PRSS16: variants seen among roughly 807,000 people sequenced by gnomAD.
PRSS16 encodes the protein serine protease 16.
In PRSS16, 43 loss-of-function variants were observed where a neutral mutation model predicts 61.7. The ratio of observed to expected loss-of-function variants is 0.70; its 90% CI spans 0.55 to 0.90. PRSS16 has a LOEUF of 0.90. Ranked by LOEUF, PRSS16 falls within the 40% of genes least tolerant of loss-of-function variation. The pLI, the probability that PRSS16 is intolerant of heterozygous loss-of-function variation, is 0.00. For synonymous variants in PRSS16, 273 were observed against 285.2 expected (o/e 0.96, Z 0.43); for missense variants, 591 against 659.1 (o/e 0.90, Z 1.13).
chr6:27,252,822 C>T lies in PRSS16; in HGVS notation c.1023C>T (p.Ser341=), dbSNP rs1415902940. ...TTGTTCCCTAGATTGTCTTGCACAG[C>T]CTGGGCCAGAAGTGTTTAAGCTTTT... The part of the protein sequence containing the change: ...LRRAVQIVLH[S]LGQKCLSFSR... Residue 341 remains serine, a synonymous_variant, in exon 9 of 12, where the codon AGC becomes AGT. Coordinates refer to ENST00000230582, the MANE Select transcript of PRSS16 (RefSeq NM_005865.4). The surrounding 1 kb of genome is among the most constrained non-coding windows in gnomAD (Gnocchi z 4.2). 1.2e-6 allele frequency: 2 copies of T among 1,614,060 alleles called. No homozygotes were observed. Among genetic ancestry groups the T allele is most frequent in the South Asian group, 1.1e-5 (1 of 91,070 alleles).
rs1466311544 is a variant in PRSS16 at position 27,252,541 on chromosome 6, G to A, written c.1009-267G>A. Among the ~76,000 whole-genome samples the A allele has an allele frequency of 1.3e-5, 2 of 151,990 alleles. No individual in the cohort carries two copies. The highest frequency in any genetic ancestry group is 2.9e-5 in the Non-Finnish European group (2 of 68,012). ...TCAAGAGATAGGCACTATTATTATC[G>A]CCACTTACAGAAAAGGAAACTGAAG... On this transcript the variant is annotated intron_variant, in intron 8 of 11. Transcript: ENST00000230582. The surrounding 1 kb of genome is among the most constrained non-coding windows in gnomAD (Gnocchi z 4.2).
At chr6:27,250,500 C>T (rs1759854729) in intron 4 of PRSS16, among the ~76,000 whole-genome samples, 183 bp from the exon 5 acceptor site, 1 of 152,220 alleles carries the variant, frequency 6.6e-6, no homozygotes, top group Admixed American at 6.5e-5. Flanking sequence ...TTGGCCTAGG[C>T]ACACATGTTC....
chr6:27,248,965 G>T lies in PRSS16; in HGVS notation c.337+19G>T. 1.3e-6 allele frequency: 2 copies of T among 1,589,370 alleles called. No individual in the cohort carries two copies. Among genetic ancestry groups the T allele is most frequent in the Non-Finnish European group, 1.7e-6 (2 of 1,162,734 alleles). ...ATGAGAGGTAAGAGGCAATGTTGGG[G>T]GAAAGGAGTTGGGATGCTGGTGGGG... On this transcript the variant is annotated intron_variant, in intron 3 of 11. Transcript: ENST00000230582.
rs1252354602 is a variant in PRSS16 at position 27,252,212 on chromosome 6, G to A, written c.1008+172G>A. On this transcript the variant is annotated intron_variant, in intron 8 of 11. Coordinates refer to ENST00000230582, the MANE Select transcript of PRSS16 (RefSeq NM_005865.4). The surrounding 1 kb of genome is among the most constrained non-coding windows in gnomAD (Gnocchi z 4.2). ...GGGAAGATGAAATGAGGCGGGTCAT[G>A]TAGAGCAATCAGCTGGGAGCCTGGC... 1.8e-5 allele frequency: 14 copies of A among 795,380 alleles called. No homozygotes were observed. The highest frequency in any genetic ancestry group is 2.4e-5 in the Non-Finnish European group (13 of 532,940). 49.3% of individuals were successfully genotyped at this position (795,380 alleles called of 1,614,324 possible).
In PRSS16 at chr6:27,250,629, A is replaced by G. The variant is rs940987305; in HGVS notation, c.468-54A>G. Reference sequence around the variant, plus strand: ...TCCGGGTTTCCCCCAGAATGGGGAAATCTTCAGGGATTCCCAGCGATGAGG... The same window carrying G: ...TCCGGGTTTCCCCCAGAATGGGGAAGTCTTCAGGGATTCCCAGCGATGAGG... On this transcript the variant is annotated intron_variant, in intron 4 of 11. Transcript: ENST00000230582. 12 of 1,517,236 alleles carry G rather than the reference A, an allele frequency of 7.9e-6. No homozygotes were observed. The African/African-American group carries it at 1.4e-4, about 18-fold the overall frequency. 94.0% of individuals were successfully genotyped at this position (1,517,236 alleles called of 1,614,324 possible).
Position 27,251,805 on chromosome 6 carries a change from G to C in PRSS16, c.773G>C (p.Gly258Ala), listed in dbSNP as rs1297458982. ...GAAGTGGAGCGGCGGCTGCGCTCGG[G>C]TGGGGCGGCTCAAGCAGCATTGCGG... ...FAEVERRLRS[G>A]GAAQAALRTE... The change falls in exon 8 of 12, where the codon GGT becomes GCT. Residue 258 changes from glycine to alanine, a missense_variant. Gly to Ala is a moderately conservative substitution (Grantham distance 60, BLOSUM62 0). Transcript: ENST00000230582. This position sits in a 1 kb window ranked among gnomAD's most constrained non-coding sequence, Gnocchi z 5.6. 6.2e-7 allele frequency: 1 copy of C among 1,610,086 alleles called. No individual in the cohort carries two copies. Among genetic ancestry groups the C allele is most frequent in the East Asian group, 2.2e-5 (1 of 44,846 alleles).
Position 27,254,840 on chromosome 6 carries a change from C to A in PRSS16, c.1298C>A (p.Thr433Asn). 1 of 1,614,140 alleles carries A rather than the reference C, an allele frequency of 6.2e-7. No individual in the cohort carries two copies. Among genetic ancestry groups the A allele is most frequent in the Non-Finnish European group, 8.5e-7 (1 of 1,180,014 alleles). ...AQTNSYYGGQ[T>N]PGANKVLFVN... Reference sequence around the variant, plus strand: ...ACGAACTCCTACTACGGTGGCCAGACCCCTGGGGCTAACAAAGTGCTGTTT... The same window carrying A: ...ACGAACTCCTACTACGGTGGCCAGAACCCTGGGGCTAACAAAGTGCTGTTT... The change falls in exon 10 of 12, where the codon ACC (threonine) becomes AAC (asparagine). Residue 433 changes from threonine (T) to asparagine (N), a missense_variant. By Grantham distance (65) the Thr-to-Asn change is moderately conservative (BLOSUM62 0). Coordinates refer to ENST00000230582, the MANE Select transcript of PRSS16 (RefSeq NM_005865.4).
Position 27,250,820 on chromosome 6 carries a change from T to G in PRSS16, c.591+14T>G. On this transcript the variant is annotated intron_variant, in intron 5 of 11. Coordinates refer to ENST00000230582, the MANE Select transcript of PRSS16 (RefSeq NM_005865.4). The stretch of plus-strand genomic sequence containing the variant: ...GCCCGGCTGAAGGTCCTGCGACTCC[T>G]CCGGGTGGGCTGGGGGGAGGGAACT... 1.3e-6 allele frequency: 2 copies of G among 1,599,620 alleles called. No homozygotes were observed. The highest frequency in any genetic ancestry group is 8.5e-7 in the Non-Finnish European group (1 of 1,173,862).
rs1316290640 is a variant in PRSS16 at position 27,255,496 on chromosome 6, T to A, written c.*181T>A. Reference sequence around the variant, plus strand: ...CTTATTCCCAACTTAAAGTGCTTTATTGCAGAGAGTTATGGAAATATAAGT... The same window carrying A: ...CTTATTCCCAACTTAAAGTGCTTTAATGCAGAGAGTTATGGAAATATAAGT... On this transcript the variant is annotated 3_prime_UTR_variant, in exon 12 of 12. Transcript: ENST00000230582. The surrounding 1 kb of genome is among the most constrained non-coding windows in gnomAD (Gnocchi z 4.4). 1 of 600,668 alleles carries A rather than the reference T, an allele frequency of 1.7e-6. No homozygotes were observed. Among genetic ancestry groups the A allele is most frequent in the Admixed American group, 3.0e-5 (1 of 32,976 alleles). 37.2% of individuals were successfully genotyped at this position (600,668 alleles called of 1,614,324 possible). A position where few individuals can be genotyped will look rare whatever the true frequency, so the allele number is the denominator to read the frequency against.
At position 27,249,135 on chromosome 6, in the gene PRSS16, C is replaced by A; in HGVS notation, c.373C>A (p.Leu125Met). 6.2e-7 allele frequency: 1 copy of A among 1,607,148 alleles called. No homozygotes were observed. The highest frequency in any genetic ancestry group is 8.5e-7 in the Non-Finnish European group (1 of 1,177,700). ...PAALAPAWGA[L>M]VISLEHRFYG... ...AGCCTTGGCCCCAGCCTGGGGCGCC[C>A]TGGTGATAAGCCTGGAACACAGATT... Residue 125 changes from leucine (L) to methionine (M), a missense_variant, in exon 4 of 12, where the codon CTG becomes ATG. Leu to Met is a conservative substitution (Grantham distance 15). Coordinates refer to ENST00000230582, the MANE Select transcript of PRSS16 (RefSeq NM_005865.4).
intron 4 of PRSS16, 115 bp downstream of exon 4, chr6:27,249,344 G>C: frequency 7.5e-7 from 1 of 1,332,602 alleles, no homozygotes; most frequent in South Asian, 1.4e-5. Flanking sequence ...TGAGTCTCTG[G>C]TTCCCTCTGT....
chr6:27,251,993 A>C lies in PRSS16; in HGVS notation c.961A>C (p.Asn321His), dbSNP rs374424134. 8.2e-6 allele frequency: 13 copies of C among 1,582,416 alleles called. No homozygotes were observed. The African/African-American group carries it at 1.6e-4, about 20-fold the overall frequency. The change falls in exon 8 of 12, where the codon AAC becomes CAC. Residue 321 changes from asparagine to histidine, a missense_variant. Coordinates refer to ENST00000230582, the MANE Select transcript of PRSS16 (RefSeq NM_005865.4). This position sits in a 1 kb window ranked among gnomAD's most constrained non-coding sequence, Gnocchi z 5.6. ...CGGACTTCTCCTCGGGGGCGGGGGCAACCGCAGCCACTCCACGCCCTACTG... is the reference window on the plus strand; with the variant it reads ...CGGACTTCTCCTCGGGGGCGGGGGCCACCGCAGCCACTCCACGCCCTACTG... ...LCGLLLGGGGNRSHSTPYCGL... is the reference protein window; with the variant it reads ...LCGLLLGGGGHRSHSTPYCGL...
chr6:27,254,472 C>G, intron 9 of PRSS16: 1 of 512,542 alleles, frequency 2.0e-6, no homozygotes, highest in Non-Finnish European at 3.4e-6. Flanking sequence ...ATCATGTTTC[C>G]TCTGGGATCC....
In PRSS16 at chr6:27,252,283, C is replaced by T; in HGVS notation, c.1008+243C>T. The T allele has an allele frequency of 3.8e-6, 2 of 530,330 alleles. No homozygotes were observed. The highest frequency in any genetic ancestry group is 6.4e-6 in the Non-Finnish European group (2 of 312,680). The allele number at this position is 530,330 out of a possible 1,614,324, so 32.9% of individuals were successfully genotyped here. ...AGACTGCGATTATTACCTATTTTGCCTATCCTGTCCTGTTCTCTTTTGGGG... is the reference window on the plus strand; with the variant it reads ...AGACTGCGATTATTACCTATTTTGCTTATCCTGTCCTGTTCTCTTTTGGGG... On this transcript the variant is annotated intron_variant, in intron 8 of 11. Transcript: ENST00000230582. This position sits in a 1 kb window ranked among gnomAD's most constrained non-coding sequence, Gnocchi z 4.2.
Position 27,255,195 on chromosome 6 carries a change from C to T in PRSS16, c.1477-52C>T, listed in dbSNP as rs2273565. Reference sequence around the variant, plus strand: ...TTGAATAATCACTTGCATGTTCCCTCCTTCTGCTGGTGCTGAAATCTGACT... The same window carrying T: ...TTGAATAATCACTTGCATGTTCCCTTCTTCTGCTGGTGCTGAAATCTGACT... On this transcript the variant is annotated intron_variant, in intron 11 of 11. Transcript: ENST00000230582. The surrounding 1 kb of genome is among the most constrained non-coding windows in gnomAD (Gnocchi z 4.4). 90,438 of 1,613,592 alleles carry T rather than the reference C, an allele frequency of 0.056. 3,203 individuals carry two copies. The highest frequency in any genetic ancestry group is 0.14 in the African/African-American group (10,132 of 74,988).
rs973955252 is a variant in PRSS16, at chr6:27,251,646, C to A, written c.718-104C>A. 5 of 1,406,492 alleles carry A rather than the reference C, an allele frequency of 3.6e-6. No individual in the cohort carries two copies. The African/African-American group carries it at 4.3e-5, about 12-fold the overall frequency. 87.1% of individuals were successfully genotyped at this position (1,406,492 alleles called of 1,614,324 possible). A position where few individuals can be genotyped will look rare whatever the true frequency, so the allele number is the denominator to read the frequency against. ...AGAGCTAGGTCTGCACCCTCTGAGT[C>A]CCGCTAGGGGAAAGTGGGGAACCCA... On this transcript the variant is annotated intron_variant, in intron 7 of 11. Coordinates refer to ENST00000230582, the MANE Select transcript of PRSS16 (RefSeq NM_005865.4). This position sits in a 1 kb window ranked among gnomAD's most constrained non-coding sequence, Gnocchi z 5.6.
At chr6:27,253,132 A>G in intron 9 of PRSS16, 183 bp downstream of exon 9, 2 of 694,420 alleles carry the variant, frequency 2.9e-6, no homozygotes, top group Admixed American at 2.4e-5. Context: ...TGGCCCTCAC[A>G]TGCCTCCTCA....
chr6:27,254,593 A>G (rs978010664), intron 9 of PRSS16, 100 bp from the exon 10 acceptor site: 1 of 1,174,562 alleles, frequency 8.5e-7, no homozygotes, highest in Non-Finnish European at 1.2e-6. Flanking sequence ...GGAGTATTAG[A>G]AATGTTCTGG....
rs1329633831 is a variant in PRSS16, at chr6:27,252,904, G to A, written c.1105G>A (p.Gly369Ser). The A allele has an allele frequency of 6.2e-7, 1 of 1,614,176 alleles. No homozygotes were observed. The highest frequency in any genetic ancestry group is 2.2e-5 in the East Asian group (1 of 44,874). Reference protein sequence around the residue: ...RSTEPQLSGVGDRQWLYQTCT... With the variant: ...RSTEPQLSGVSDRQWLYQTCT... ...CACAGAACCTCAACTGTCTGGTGTG[G>A]GTGACCGGCAGTGGTTGTATCAGAC... Residue 369 changes from glycine to serine, a missense_variant, in exon 9 of 12, where the codon GGT becomes AGT. Physicochemically the swap from Gly to Ser is moderately conservative, Grantham distance 56 (BLOSUM62 0). Transcript: ENST00000230582. This position sits in a 1 kb window ranked among gnomAD's most constrained non-coding sequence, Gnocchi z 4.2.
Sources: gnomAD v4.1 joint callset for allele counts (sites outside exome capture counted in the v4.1 genomes callset) on GRCh38, gnomAD v4.1.1 for gene constraint, Gnocchi (gnomAD v3.1) non-coding constraint, MANE v1.5 for transcripts, NCBI Gene and HGNC (gene_info 2026-07-23, HGNC 2026-07-21) for gene names.